The following RBM47 variants were observed in gnomAD, a reference collection of about 807,000 sequenced individuals.
RBM47 encodes RNA-binding protein 47.
A neutral mutation model predicts 47.1 loss-of-function variants in RBM47; 21 were observed. That is an observed-to-expected ratio of 0.45 (90% CI 0.32 to 0.64). RBM47 has a LOEUF of 0.64. RBM47 is among the 30% of genes least tolerant of loss of function. The probability of loss-of-function intolerance (pLI) is 0.05; values close to 1 mark genes in which losing one functional copy is unlikely to be tolerated. For missense variants in RBM47, 708 were observed against 870.9 expected (o/e 0.81, Z 2.35); for synonymous variants, 375 against 361.7 (o/e 1.04, Z -0.42).
intron 2 of RBM47, among the ~76,000 whole-genome samples, chr4:40,502,514 C>T (rs1248235917): frequency 6.6e-6 from 1 of 152,112 alleles, no homozygotes; most frequent in East Asian, 1.9e-4. Context: ...AATGAGTGCT[C>T]GTGAATCAGT....
At chr4:40,596,128 C>G (rs1458527962) in intron 1 of RBM47, among the ~76,000 whole-genome samples, 1 of 152,192 alleles carries the variant, frequency 6.6e-6, no homozygotes, top group Non-Finnish European at 1.5e-5. Context: ...CTTTCAGGAG[C>G]AGGGACGTGA....
chr4:40,432,558 C>T, intron 6 of RBM47, 93 bp downstream of exon 6: 1 of 1,563,064 alleles, frequency 6.4e-7, no homozygotes, highest in Non-Finnish European at 8.6e-7. Context: ...GAGAGCCAGG[C>T]ACACAGTAAA....
At chr4:40,520,118 C>CT (rs375701963) in intron 2 of RBM47, among the ~76,000 whole-genome samples, 1 of 152,076 alleles carries the variant, frequency 6.6e-6, no homozygotes, top group African/African-American at 2.4e-5. Flanking sequence ...CTTTTATGTT[C>CT]TTTTTTTTCT....
At chr4:40,544,196 C>G (rs926325959) in intron 2 of RBM47, 1 of 152,164 alleles carries the variant, frequency 6.6e-6, no homozygotes. Flanking sequence ...CTCTGTCATT[C>G]TTTTTGGCTG....
At chr4:40,432,964 A>G in intron 5 of RBM47, 102 bp from the exon 6 acceptor site, 1 of 1,461,758 alleles carries the variant, frequency 6.8e-7, no homozygotes, top group South Asian at 1.4e-5. Flanking sequence ...TTTTTTAAAA[A>G]CTTTTCTTTT....
At chr4:40,485,896 TA>T (rs542807983) in intron 2 of RBM47, among the ~76,000 whole-genome samples, 602 of 130,438 alleles carry the variant, frequency 4.6e-3, no homozygotes, top group Non-Finnish European at 4.8e-3. Context: ...GCCATCTGTG[TA>T]AAAAAAAAAA....
intron 2 of RBM47, among the ~76,000 whole-genome samples, chr4:40,507,351 T>C (rs921277191): frequency 1.3e-5 from 2 of 152,060 alleles, no homozygotes; most frequent in Admixed American, 6.6e-5. Flanking sequence ...CTAACTTTCT[T>C]ATGATGATTA....
chr4:40,592,111 A>G (rs539799787), intron 1 of RBM47, among the ~76,000 whole-genome samples: 1 of 152,324 alleles, frequency 6.6e-6, no homozygotes. Flanking sequence ...ACCATTTCCC[A>G]TTCAGATTTC....
chr4:40,548,864 C>T (rs1018498640), intron 1 of RBM47, among the ~76,000 whole-genome samples: 1 of 152,134 alleles, frequency 6.6e-6, no homozygotes, highest in Admixed American at 6.6e-5. Flanking sequence ...CAGGGTTTCA[C>T]CATGTGGGCC....
At position 40,438,849 on chromosome 4, in the gene RBM47, G is replaced by A. The variant is rs748946486; in HGVS notation, c.45C>T (p.Ala15=). Residue 15 remains alanine (A), a synonymous_variant, in exon 4 of 7, where the codon GCC becomes GCT. Transcript: ENST00000295971. ...CGGGCACCTTGGCGGAGGACCCGGC[G>A]GCCGAGTCACTGCTCATGGCTGCGG... ...DSTAAMSSDS[A]AGSSAKVPEG... 7.1e-5 allele frequency: 110 copies of A among 1,559,226 alleles called. No individual in the cohort carries two copies. The Admixed American group carries it at 2.0e-3, about 28-fold the overall frequency.
intron 1 of RBM47, among the ~76,000 whole-genome samples, chr4:40,565,276 A>G (rs1730991069): frequency 6.6e-6 from 1 of 152,208 alleles, no homozygotes; most frequent in African/African-American, 2.4e-5. Flanking sequence ...TTGATACTAC[A>G]CAGCAGTGTG....
At chr4:40,437,129 TATAA>T (rs1316059769) in intron 4 of RBM47, among the ~76,000 whole-genome samples, 2 of 94,980 alleles carry the variant, frequency 2.1e-5, no homozygotes, top group African/African-American at 9.8e-5. Context: ...TATATATATA[TATAA>T]AATACATATA....
intron 2 of RBM47, among the ~76,000 whole-genome samples, chr4:40,502,500 G>A (rs1460608693): frequency 6.6e-6 from 1 of 152,130 alleles, no homozygotes; most frequent in Non-Finnish European, 1.5e-5. Flanking sequence ...GAGGAAGAGA[G>A]GCCAATGAGT....
chr4:40,451,184 C>CAAAAAAAAAAAAAAAAAA (rs958122281), intron 3 of RBM47, among the ~76,000 whole-genome samples: 2 of 51,474 alleles, frequency 3.9e-5, no homozygotes, highest in African/African-American at 1.2e-4. Flanking sequence ...CAGTAGCTAC[C>CAAAAAAAAAAAAAAAAAA]AAAAAAAAAA....
Position 40,437,764 on chromosome 4 carries a change from C to A in RBM47, c.1123+7G>T. On this transcript the variant is annotated splice_region_variant and intron_variant, in intron 4 of 6. Transcript: ENST00000295971. ...GGGCCCCACCCAGGAGAAGAGCCCC[C>A]ACTAACCTTTCACAAAGTAGTCCCT... 1.3e-6 allele frequency: 2 copies of A among 1,593,862 alleles called. No homozygotes were observed. Among genetic ancestry groups the A allele is most frequent in the Non-Finnish European group, 1.7e-6 (2 of 1,164,368 alleles).
In RBM47 at chr4:40,431,384, C is replaced by T. The variant is rs538654952; in HGVS notation, c.1542+1267G>A. Among the ~76,000 whole-genome samples, 455 of 152,090 alleles carry T rather than the reference C, an allele frequency of 3.0e-3. 4 individuals are homozygous for T. Among genetic ancestry groups the T allele is most frequent in the African/African-American group, 0.01 (421 of 41,482 alleles). ...CAAGAGAGAAAATTTCATGGCCGGG[C>T]GCGGTGGCTCACGCCTGTAATCCCA... On this transcript the variant is annotated intron_variant, in intron 6 of 6. Transcript: ENST00000295971.
chr4:40,526,084 C>G (rs186759668), intron 2 of RBM47, among the ~76,000 whole-genome samples: 1 of 152,304 alleles, frequency 6.6e-6, no homozygotes, highest in African/African-American at 2.4e-5. Context: ...ACAGCTCTCC[C>G]CCTTCATGGG....
intron 2 of RBM47, among the ~76,000 whole-genome samples, chr4:40,530,397 G>A (rs1290461209): frequency 6.6e-6 from 1 of 152,032 alleles, no homozygotes; most frequent in Non-Finnish European, 1.5e-5. Context: ...TCCACCTCCT[G>A]GTTTCAAGCA....
intron 1 of RBM47, among the ~76,000 whole-genome samples, chr4:40,622,036 G>A (rs965942338): frequency 2.6e-5 from 4 of 152,212 alleles, no homozygotes; most frequent in Non-Finnish European, 4.4e-5. Context: ...ATTCAGTCAC[G>A]CTTGAAATGT....
Sources: gnomAD v4.1 joint callset for allele counts (sites outside exome capture counted in the v4.1 genomes callset) on GRCh38, gnomAD v4.1.1 for gene constraint, MANE v1.5 for transcripts, NCBI Gene and HGNC (gene_info 2026-07-23, HGNC 2026-07-21) for gene names.